HIVEP3: variants seen among roughly 807,000 people sequenced by gnomAD.
HIVEP3 encodes transcription factor HIVEP3.
HIVEP3 carries 49 observed loss-of-function variants against 152.8 expected under a neutral mutation model. The ratio of observed to expected loss-of-function variants is 0.32; its 90% confidence interval spans 0.26 to 0.41. HIVEP3 has a LOEUF of 0.41. Ranked by LOEUF, HIVEP3 falls within the 10% of genes least tolerant of loss-of-function variation. HIVEP3 has a pLI of 1.00. For synonymous variants in HIVEP3, 1,269 were observed against 1,289.0 expected (o/e 0.98, Z 0.33); for missense variants, 2,790 against 3,103.3 (o/e 0.90, Z 2.40).
At chr1:41,521,548 G>A (rs1447226919) in intron 6 of HIVEP3, among the ~76,000 whole-genome samples, 1 of 152,200 alleles carries the variant, frequency 6.6e-6, no homozygotes, top group Non-Finnish European at 1.5e-5. Flanking sequence ...AAAGGGGAAG[G>A]TGGGGCACAC....
rs545380518 is a variant in HIVEP3, at chr1:41,833,346, G to A, written c.-801+85067C>T. On this transcript the variant is annotated intron_variant, in intron 1 of 8. Transcript: ENST00000372583. ...CATGGAGTGCAGCTTCCCACACAAT[G>A]CAAAGCCACATGAGGGGGCTGGTTT... Among the ~76,000 whole-genome samples the A allele has an allele frequency of 6.6e-5, 10 of 152,304 alleles. No individual in the cohort carries two copies. The South Asian group carries it at 1.9e-3, about 28-fold the overall frequency.
chr1:41,960,026 T>G (rs1224844216), intron 1 of HIVEP3, among the ~76,000 whole-genome samples: 1 of 152,162 alleles, frequency 6.6e-6, no homozygotes, highest in African/African-American at 2.4e-5. Context: ...GGGTATCTCC[T>G]GGTACTTCAA....
At chr1:41,904,586 T>C (rs1311813129) in intron 1 of HIVEP3, among the ~76,000 whole-genome samples, 1 of 152,134 alleles carries the variant, frequency 6.6e-6, no homozygotes, top group African/African-American at 2.4e-5. Flanking sequence ...ATGGTACCAT[T>C]TGGAGTTCCC....
At chr1:41,732,856 C>T (rs1281675471) in intron 1 of HIVEP3, among the ~76,000 whole-genome samples, 5 of 152,040 alleles carry the variant, frequency 3.3e-5, no homozygotes, top group Admixed American at 6.5e-5. Flanking sequence ...GACTGGGGGT[C>T]GGTAGGAGGG....
chr1:41,923,901 G>GT (rs904125331), upstream of HIVEP3, among the ~76,000 whole-genome samples: 7 of 151,606 alleles, frequency 4.6e-5, no homozygotes, highest in Non-Finnish European at 7.4e-5. Flanking sequence ...ATTCTATGAA[G>GT]TTTTTTTTTC....
chr1:41,687,391 C>A (rs1646130000), intron 2 of HIVEP3, among the ~76,000 whole-genome samples: 1 of 152,230 alleles, frequency 6.6e-6, no homozygotes, highest in Non-Finnish European at 1.5e-5. Flanking sequence ...CAGACCTCTG[C>A]AACTCCAGCC....
chr1:41,670,923 C>T (rs1212026005), intron 2 of HIVEP3, among the ~76,000 whole-genome samples: 3 of 152,206 alleles, frequency 2.0e-5, no homozygotes, highest in Admixed American at 1.3e-4. Flanking sequence ...ACAGATTCTA[C>T]CCTTCCTGGA....
At chr1:41,524,382 GGATAAAC>G (rs1222555467) in intron 6 of HIVEP3, among the ~76,000 whole-genome samples, 14 of 152,198 alleles carry the variant, frequency 9.2e-5, no homozygotes, top group Admixed American at 6.5e-5. Flanking sequence ...TCAGATCAGT[GGATAAAC>G]GGCTCAGGAG....
At chr1:41,611,328 G>A (rs1479316398) in intron 3 of HIVEP3, among the ~76,000 whole-genome samples, 1 of 152,170 alleles carries the variant, frequency 6.6e-6, no homozygotes, top group African/African-American at 2.4e-5. Context: ...GGTGGTTTAA[G>A]GAAGGCAAAT....
chr1:41,800,351 C>T (rs1238111787), intron 1 of HIVEP3, among the ~76,000 whole-genome samples: 2 of 152,174 alleles, frequency 1.3e-5, no homozygotes, highest in Non-Finnish European at 2.9e-5. Context: ...AGGCTTGCTT[C>T]CGCATTCCTG....
intron 3 of HIVEP3, among the ~76,000 whole-genome samples, chr1:41,621,797 C>A (rs1032478078): frequency 1.3e-5 from 2 of 152,206 alleles, no homozygotes; most frequent in Admixed American, 6.5e-5. Context: ...GGATTACAGG[C>A]CTAAGCCCCC....
chr1:41,854,453 GC>G (rs1443301575), intron 1 of HIVEP3, among the ~76,000 whole-genome samples: 1 of 150,182 alleles, frequency 6.7e-6, no homozygotes, highest in African/African-American at 2.5e-5. Context: ...CTGAGCTTCT[GC>G]CCATGCCGAT....
At chr1:41,674,517 G>A (rs1345316212) in intron 2 of HIVEP3, among the ~76,000 whole-genome samples, 2 of 152,200 alleles carry the variant, frequency 1.3e-5, no homozygotes, top group Non-Finnish European at 2.9e-5. Flanking sequence ...GAGGAATGAG[G>A]ACAGAGAAGG....
chr1:41,606,473 C>G (rs1257748508), intron 3 of HIVEP3, among the ~76,000 whole-genome samples: 1 of 151,922 alleles, frequency 6.6e-6, no homozygotes, highest in African/African-American at 2.4e-5. Flanking sequence ...TAGTTAACAA[C>G]ATCATTATGA....
intron 2 of HIVEP3, among the ~76,000 whole-genome samples, chr1:41,698,539 A>G (rs987653787): frequency 7.2e-5 from 11 of 152,150 alleles, no homozygotes; most frequent in African/African-American, 2.7e-4. Flanking sequence ...TCCGATGAGA[A>G]CCAAGTTGAT....
At chr1:41,951,490 T>A (rs1645107056) in intron 1 of HIVEP3, among the ~76,000 whole-genome samples, 2 of 152,192 alleles carry the variant, frequency 1.3e-5, no homozygotes, top group South Asian at 4.1e-4. Context: ...TGGGTGGAGA[T>A]GAGAGAACAG....
chr1:41,608,765 T>A (rs1187361513), intron 3 of HIVEP3, among the ~76,000 whole-genome samples: 1 of 152,202 alleles, frequency 6.6e-6, no homozygotes, highest in African/African-American at 2.4e-5. Flanking sequence ...GCTGTTATGA[T>A]GTCATCCTTT....
intron 4 of HIVEP3, among the ~76,000 whole-genome samples, chr1:41,576,508 A>C (rs1239515661): frequency 6.6e-6 from 1 of 152,240 alleles, no homozygotes; most frequent in Non-Finnish European, 1.5e-5. Context: ...CCTAGGGAGC[A>C]GAAATGCTGT....
At chr1:41,597,422 G>T (rs1046869060) in intron 3 of HIVEP3, among the ~76,000 whole-genome samples, 7 of 152,190 alleles carry the variant, frequency 4.6e-5, no homozygotes, top group African/African-American at 1.7e-4. Context: ...CTAAACCAAT[G>T]TCCTGTGCCT....
Sources: gnomAD v4.1 joint callset for allele counts (sites outside exome capture counted in the v4.1 genomes callset) on GRCh38, gnomAD v4.1.1 for gene constraint, MANE v1.5 for transcripts, NCBI Gene and HGNC (gene_info 2026-07-23, HGNC 2026-07-21) for gene names.